MED9: variants seen among roughly 807,000 people sequenced by gnomAD.
MED9 encodes the protein mediator complex subunit 9, also known as mediator of RNA polymerase II transcription subunit 9.
MED9 carries 8 observed loss-of-function variants against 13.2 expected under a neutral mutation model. That is an observed-to-expected ratio of 0.61 (90% CI 0.36 to 1.10). MED9 has a LOEUF of 1.10. Ranked by LOEUF, MED9 falls within the 50% of genes least tolerant of loss-of-function variation. The pLI is 0.02. For missense variants in MED9, 180 were observed against 193.4 expected, an observed-to-expected ratio of 0.93 and a Z score of 0.41; for synonymous variants, 87 against 82.8, an observed-to-expected ratio of 1.05 and a Z score of -0.28.
chr17:17,491,224 G>C, intron 1 of MED9, 55 bp from the exon 2 acceptor site: 13 of 1,515,594 alleles, frequency 8.6e-6, no homozygotes, highest in Non-Finnish European at 1.2e-5. Flanking sequence ...TGCAGGGCAG[G>C]AACGCCAAGA....
intron 1 of MED9, among the ~76,000 whole-genome samples, chr17:17,481,970 G>C (rs1291420555): frequency 2.0e-5 from 3 of 152,134 alleles, no homozygotes; most frequent in Non-Finnish European, 1.5e-5. Flanking sequence ...CACCCAGAAA[G>C]CATTAAACAA....
At chr17:17,486,656 G>A (rs148002246) in intron 1 of MED9, 2,546 of 156,712 alleles carry the variant, frequency 0.016, 77 homozygotes, top group African/African-American at 0.058. Flanking sequence ...GGGCTCCTGT[G>A]CGGCCCCAGC....
In MED9 at chr17:17,477,104, C is replaced by A. The variant is rs772735989; in HGVS notation, c.63C>A (p.Asp21Glu). The change falls in exon 1 of 2, where the codon GAC becomes GAA. Residue 21 changes from aspartate (D) to glutamate (E), a missense_variant. Transcript: ENST00000268711. Reference protein sequence around the residue: ...QAEDVLPPTSDQPLPDTKPLP... With the variant: ...QAEDVLPPTSEQPLPDTKPLP... ...AGGATGTATTGCCGCCAACGTCCGA[C>A]CAGCCGCTGCCTGACACCAAGCCGC... 6.2e-7 allele frequency: 1 copy of A among 1,607,116 alleles called. No homozygotes were observed. Among genetic ancestry groups the A allele is most frequent in the South Asian group, 1.1e-5 (1 of 90,628 alleles).
chr17:17,490,355 G>C (rs1246144018), intron 1 of MED9, among the ~76,000 whole-genome samples: 1 of 152,240 alleles, frequency 6.6e-6, no homozygotes, highest in Non-Finnish European at 1.5e-5. Context: ...AGAATTGCTT[G>C]AACCGGGACC....
Position 17,492,901 on chromosome 17 carries a change from G to A in MED9, c.*1406G>A, listed in dbSNP as rs879003703. The A allele has an allele frequency of 1.3e-5, 2 of 152,294 alleles. No homozygotes were observed. The highest frequency in any genetic ancestry group is 6.5e-5 in the Admixed American group (1 of 15,288). The allele number at this position is 152,294 out of a possible 1,614,324, so 9.4% of individuals were successfully genotyped here. A position where few individuals can be genotyped will look rare whatever the true frequency, so the allele number is the denominator to read the frequency against. On this transcript the variant is annotated 3_prime_UTR_variant, in exon 2 of 2. Transcript: ENST00000268711. ...AGGAGATCAAATTTCAGTGGCTTTG[G>A]ACAGAAAAGAAGGCTCTGGATTTAA...
Position 17,493,117 on chromosome 17 carries a change from C to T in MED9, c.*1622C>T, listed in dbSNP as rs917131556. The T allele has an allele frequency of 2.0e-5, 3 of 152,192 alleles. No individual in the cohort carries two copies. Among genetic ancestry groups the T allele is most frequent in the African/African-American group, 7.2e-5 (3 of 41,450 alleles). 9.4% of individuals were successfully genotyped at this position (152,192 alleles called of 1,614,324 possible). ...TGCAAGGCTGAAATGGACAAGGGCT[C>T]CTCACGGGGGTGGAGGGAGCCGGAG... On this transcript the variant is annotated 3_prime_UTR_variant, in exon 2 of 2. Coordinates refer to ENST00000268711, the MANE Select transcript of MED9 (RefSeq NM_018019.3).
At chr17:17,491,257 A>G (rs769221050) in intron 1 of MED9, 22 bp from the exon 2 acceptor site, 1 of 1,593,732 alleles carries the variant, frequency 6.3e-7, no homozygotes, top group South Asian at 1.1e-5. Flanking sequence ...TGTGAATGCT[A>G]ACAGCTGTTC....
chr17:17,492,334 C>G lies in MED9; in HGVS notation c.*839C>G, dbSNP rs1905253031. The stretch of plus-strand genomic sequence containing the variant: ...AGGTCTTCAGGCGAACCGACCTTCC[C>G]CCTTCTGGCATTTCAGATTCCCCTT... On this transcript the variant is annotated 3_prime_UTR_variant, in exon 2 of 2. Transcript: ENST00000268711. 1 of 152,334 alleles carries G rather than the reference C, an allele frequency of 6.6e-6. No homozygotes were observed. Among genetic ancestry groups the G allele is most frequent in the Non-Finnish European group, 1.5e-5 (1 of 68,112 alleles). 9.4% of individuals were successfully genotyped at this position (152,334 alleles called of 1,614,324 possible). A position where few individuals can be genotyped will look rare whatever the true frequency, so the allele number is the denominator to read the frequency against.
At chr17:17,479,047 C>T (rs1904980152) in intron 1 of MED9, among the ~76,000 whole-genome samples, 1 of 152,070 alleles carries the variant, frequency 6.6e-6, no homozygotes, top group Admixed American at 6.6e-5. Flanking sequence ...AATGAAAACA[C>T]AAAATGTACA....
intron 1 of MED9, chr17:17,485,201 T>C: frequency 5.3e-6 from 2 of 380,264 alleles, no homozygotes; most frequent in Admixed American, 4.5e-5. Context: ...AAAAAAAAAT[T>C]GTATTTTTAG....
chr17:17,482,554 G>A (rs911971471), intron 1 of MED9, among the ~76,000 whole-genome samples: 1 of 151,810 alleles, frequency 6.6e-6, no homozygotes, highest in Admixed American at 6.6e-5. Flanking sequence ...CCAGGTTGTT[G>A]CTTTTCTTTT....
intron 1 of MED9, chr17:17,485,563 G>A (rs566977424): frequency 7.9e-6 from 3 of 380,036 alleles, no homozygotes; most frequent in Admixed American, 9.1e-5. Flanking sequence ...GGGCACACAG[G>A]TGCAAGCCTG....
intron 1 of MED9, among the ~76,000 whole-genome samples, chr17:17,479,268 C>G (rs1904985354): frequency 1.4e-5 from 2 of 147,984 alleles, no homozygotes. Flanking sequence ...AGGCCATAAT[C>G]TTCTTATCTC....
rs766393375 is a variant in MED9, at chr17:17,477,280, G to A, written c.224+15G>A. On this transcript the variant is annotated intron_variant, in intron 1 of 1. Transcript: ENST00000268711. ...ATCATCAAATGGTAAGAACCTAGGA[G>A]AGGACCAGGCCCCATACTCCCTCCA... The A allele has an allele frequency of 4.5e-6, 7 of 1,569,716 alleles. No individual in the cohort carries two copies. Among genetic ancestry groups the A allele is most frequent in the Non-Finnish European group, 4.3e-6 (5 of 1,155,352 alleles).
In MED9 at chr17:17,492,184, TTCAGCTCTTGCTCCCTTCCTCGTTCA is replaced by T. The variant is rs1905249480; in HGVS notation, c.*693_*718del. Reference sequence around the variant, plus strand: ...CCTGCCTCCTAGCGCTCTCCTCGCCTTCAGCTCTTGCTCCCTTCCTCGTTCATCACCCTCAGTCAGTGCCCAAGAGT... The same window carrying T: ...CCTGCCTCCTAGCGCTCTCCTCGCCTTCACCCTCAGTCAGTGCCCAAGAGT... On this transcript the variant is annotated 3_prime_UTR_variant, in exon 2 of 2. Transcript: ENST00000268711. The T allele has an allele frequency of 6.5e-6, 1 of 153,814 alleles. No individual in the cohort carries two copies. The allele number at this position is 153,814 out of a possible 1,614,324, so 9.5% of individuals were successfully genotyped here. A position where few individuals can be genotyped will look rare whatever the true frequency, so the allele number is the denominator to read the frequency against.
At chr17:17,490,309 G>A (rs778479869) in intron 1 of MED9, among the ~76,000 whole-genome samples, 3 of 152,188 alleles carry the variant, frequency 2.0e-5, no homozygotes, top group Non-Finnish European at 4.4e-5. Flanking sequence ...GTTGGCATGC[G>A]CCTGTAATCC....
chr17:17,480,584 G>T (rs1360867103), intron 1 of MED9, among the ~76,000 whole-genome samples: 2 of 152,180 alleles, frequency 1.3e-5, no homozygotes, highest in Non-Finnish European at 2.9e-5. Context: ...TGAACCCAGG[G>T]AGCTGAGGCT....
chr17:17,489,342 C>G (rs1286161251), intron 1 of MED9, among the ~76,000 whole-genome samples: 1 of 152,160 alleles, frequency 6.6e-6, no homozygotes, highest in African/African-American at 2.4e-5. Context: ...TAAACATGAC[C>G]CACTTTCAAC....
chr17:17,481,989 G>T (rs1174927415), intron 1 of MED9, among the ~76,000 whole-genome samples: 2 of 152,254 alleles, frequency 1.3e-5, no homozygotes, highest in East Asian at 3.9e-4. Context: ...AAAAATTAAA[G>T]TTGTAGACGG....
Sources: gnomAD v4.1 joint callset for allele counts (sites outside exome capture counted in the v4.1 genomes callset) on GRCh38, gnomAD v4.1.1 for gene constraint, MANE v1.5 for transcripts, NCBI Gene and HGNC (gene_info 2026-07-23, HGNC 2026-07-21) for gene names.